PLCB3: variants seen among roughly 807,000 people sequenced by gnomAD.
The protein encoded by PLCB3 is phospholipase C beta 3.
Under a neutral mutation model 152.1 loss-of-function variants are expected in PLCB3, and 54 were observed. The observed-to-expected ratio is 0.36, with a 90% CI of 0.29 to 0.45. The LOEUF (loss-of-function observed/expected upper bound fraction) is 0.45, where lower values mean the gene tolerates loss of function less well. Among genes scored for constraint, PLCB3 ranks in the 20% least tolerant of loss-of-function variants. The pLI, the probability that PLCB3 is intolerant of heterozygous loss-of-function variation, is 1.00. For synonymous variants in PLCB3, 717 were observed against 698.7 expected (o/e 1.03, Z -0.41); for missense variants, 1,248 against 1,687.5 (o/e 0.74, Z 4.56).
At position 64,251,638 on chromosome 11, in the gene PLCB3, C is replaced by T; in HGVS notation, c.-12C>T. ...GGGCTCCGTGGGTCCCCGACCCGCC[C>T]CTGGCCGGGCCATGGCGGGCGCCCA... On this transcript the variant is annotated 5_prime_UTR_variant, in exon 1 of 31. Coordinates refer to ENST00000279230, the MANE Select transcript of PLCB3 (RefSeq NM_000932.5). 1 of 1,437,442 alleles carries T rather than the reference C, an allele frequency of 7.0e-7. No individual in the cohort carries two copies. The highest frequency in any genetic ancestry group is 1.4e-5 in the South Asian group (1 of 73,666). 89.0% of individuals were successfully genotyped at this position (1,437,442 alleles called of 1,614,324 possible).
intron 22 of PLCB3, among the ~76,000 whole-genome samples, chr11:64,264,502 G>T (rs1470612067): frequency 6.6e-6 from 1 of 152,222 alleles, no homozygotes; most frequent in African/African-American, 2.4e-5. Context: ...CGGCAGGCGG[G>T]CGGGGAGAGA....
chr11:64,262,340 C>T (rs1478613564), intron 17 of PLCB3, 67 bp from the exon 18 acceptor site: 1 of 1,569,284 alleles, frequency 6.4e-7, no homozygotes. Flanking sequence ...CTGATGATCT[C>T]CCATTCCCCA....
chr11:64,266,609 C>A lies in PLCB3; in HGVS notation c.3414+57C>A. ...CCTCCCTTCCTTCACTCATCAGACA[C>A]CCATCTCCATGCCTGGCCTGGTGCC... On this transcript the variant is annotated intron_variant, in intron 29 of 30. Transcript: ENST00000279230. The surrounding 1 kb of genome is among the most constrained non-coding windows in gnomAD (Gnocchi z 4.9). 1.9e-6 allele frequency: 3 copies of A among 1,541,116 alleles called. No homozygotes were observed. Among genetic ancestry groups the A allele is most frequent in the Non-Finnish European group, 2.7e-6 (3 of 1,113,986 alleles).
chr11:64,254,545 C>T (rs929972142), intron 2 of PLCB3, 53 bp downstream of exon 2: 27 of 1,557,818 alleles, frequency 1.7e-5, no homozygotes, highest in Non-Finnish European at 2.2e-5. Flanking sequence ...CTGTCCCAGA[C>T]CCCTGCCCTG....
Position 64,265,898 on chromosome 11 carries a change from T to G in PLCB3, c.3048T>G (p.Ala1016=). 1 of 1,612,836 alleles carries G rather than the reference T, an allele frequency of 6.2e-7. No homozygotes were observed. Among genetic ancestry groups the G allele is most frequent in the Non-Finnish European group, 8.5e-7 (1 of 1,179,944 alleles). The change falls in exon 26 of 31, where the codon GCT becomes GCG. Residue 1016 remains alanine (A), a synonymous_variant. Transcript: ENST00000279230. The part of the protein sequence containing the change: ...RLRPGALGGA[A]DVEDTKEGED... ...GTTCTCCTCGCAGAGGTGGGGCCGC[T>G]GATGTGGAGGACACGAAGGAGGGGG... is the stretch of plus-strand genomic sequence containing the variant.
In PLCB3 at chr11:64,260,013, G is replaced by T; in HGVS notation, c.1526-16G>T. On this transcript the variant is annotated splice_polypyrimidine_tract_variant and intron_variant, in intron 13 of 30. Transcript: ENST00000279230. ...TGTGGTCCTGACCCCTCACCCTGTG[G>T]CCCTGTCCTCTGCAGGGTCTCCCAG... is the stretch of plus-strand genomic sequence containing the variant. 6.2e-7 allele frequency: 1 copy of T among 1,606,976 alleles called. No individual in the cohort carries two copies. Among genetic ancestry groups the T allele is most frequent in the South Asian group, 1.1e-5 (1 of 90,454 alleles).
chr11:64,267,377 T>G lies in PLCB3; in HGVS notation c.3526T>G (p.Cys1176Gly), dbSNP rs1014045893. Residue 1176 changes from cysteine to glycine, a missense_variant, in exon 31 of 31, where the codon TGT becomes GGT. Around this residue, in one of 6 missense-constraint regions of PLCB3, gnomAD observed 477 missense variants for 489.6 expected, o/e 0.97. Transcript: ENST00000279230. This position sits in a 1 kb window ranked among gnomAD's most constrained non-coding sequence, Gnocchi z 5.2. ...GCTGCTGGCCCAGCTGGCCCAGGAG[T>G]GTCAGGAGCAGCGGGCGAGGCTCCC... is the stretch of plus-strand genomic sequence containing the variant. ...PKLLAQLAQE[C>G]QEQRARLPQE... 6.5e-7 allele frequency: 1 copy of G among 1,544,292 alleles called. No individual in the cohort carries two copies. The highest frequency in any genetic ancestry group is 2.4e-5 in the East Asian group (1 of 41,002).
intron 1 of PLCB3, among the ~76,000 whole-genome samples, chr11:64,254,125 G>C (rs2031384058): frequency 6.6e-6 from 1 of 152,090 alleles, no homozygotes. Context: ...AGGGTGTCCT[G>C]GCAAAGGGAA....
chr11:64,268,037 G>C (rs1591119857), downstream of PLCB3: 2 of 156,674 alleles, frequency 1.3e-5, no homozygotes, highest in South Asian at 3.6e-4. Context: ...GCCAAGGGCT[G>C]CTGGGTTGAA....
At chr11:64,268,733 C>G (rs1045813124), downstream of PLCB3, 3 of 152,326 alleles carry the variant, frequency 2.0e-5, no homozygotes, top group Admixed American at 2.0e-4. Context: ...TCTTCAAGGC[C>G]TCTCCCAGCT....
rs2031660321 is a variant in PLCB3, at chr11:64,258,522, A to G, written c.1062A>G (p.Leu354=). The G allele has an allele frequency of 1.9e-6, 3 of 1,613,612 alleles. No individual in the cohort carries two copies. Among genetic ancestry groups the G allele is most frequent in the Non-Finnish European group, 2.5e-6 (3 of 1,179,914 alleles). The change falls in exon 11 of 31, where the codon CTA becomes CTG. Residue 354 remains leucine, a synonymous_variant. Coordinates refer to ENST00000279230, the MANE Select transcript of PLCB3 (RefSeq NM_000932.5). The surrounding 1 kb of genome is among the most constrained non-coding windows in gnomAD (Gnocchi z 7.2). ...TSSVEMYRQA[L]LWGCRCVELD... is the part of the protein sequence containing the mutation. ...CGGTGGAGATGTACCGCCAGGCACTACTATGGGGCTGCCGCTGCGTGGAGC... is the reference window on the plus strand; with the variant it reads ...CGGTGGAGATGTACCGCCAGGCACTGCTATGGGGCTGCCGCTGCGTGGAGC...
rs535308048 is a variant in PLCB3, at chr11:64,258,808, C to T, written c.1254-77C>T. On this transcript the variant is annotated intron_variant, in intron 11 of 30. Coordinates refer to ENST00000279230, the MANE Select transcript of PLCB3 (RefSeq NM_000932.5). The surrounding 1 kb of genome is among the most constrained non-coding windows in gnomAD (Gnocchi z 7.2). ...GCTCAGGGACCTCCAACCCTGCGAA[C>T]GGCCACTGACATGTCCCGTAGACCT... The T allele has an allele frequency of 9.2e-5, 148 of 1,601,370 alleles. No individual in the cohort carries two copies. In the East Asian group the frequency reaches 2.5e-3, roughly 27 times the overall value.
intron 1 of PLCB3, among the ~76,000 whole-genome samples, chr11:64,252,841 G>T (rs994239177): frequency 6.6e-6 from 1 of 152,182 alleles, no homozygotes. Flanking sequence ...CGGAGGCTTG[G>T]GGCAGGAGAG....
chr11:64,253,190 G>A (rs2031328183), intron 1 of PLCB3, among the ~76,000 whole-genome samples: 1 of 152,230 alleles, frequency 6.6e-6, no homozygotes, highest in Non-Finnish European at 1.5e-5. Context: ...ACAATGGGGT[G>A]TGGCTGAGGC....
downstream of PLCB3, chr11:64,268,824 T>C (rs942549234): frequency 6.6e-5 from 10 of 152,288 alleles, no homozygotes; most frequent in Non-Finnish European, 1.0e-4. Context: ...CTCCTGCCAA[T>C]TGAGTATCTT....
In PLCB3 at chr11:64,255,821, T is replaced by G; in HGVS notation, c.698T>G (p.Ile233Arg). ...GACATTGACAAGATCCTGCTGGAGA[T>G]GTGAGTGGGCCCGGCCTGCCTCACA... is the stretch of plus-strand genomic sequence containing the variant. ...RPDIDKILLE[I>R]GAKGKPYLTL... is the part of the protein sequence containing the mutation. The change falls in exon 8 of 31, where the codon ATA becomes AGA. Residue 233 changes from isoleucine (I) to arginine (R), a missense_variant and splice_region_variant. Around this residue, in one of 6 missense-constraint regions of PLCB3, gnomAD observed 299 missense variants for 434.7 expected, o/e 0.69. Coordinates refer to ENST00000279230, the MANE Select transcript of PLCB3 (RefSeq NM_000932.5). The surrounding 1 kb of genome is among the most constrained non-coding windows in gnomAD (Gnocchi z 6.8). The G allele has an allele frequency of 6.2e-7, 1 of 1,606,550 alleles. No individual in the cohort carries two copies. The highest frequency in any genetic ancestry group is 8.5e-7 in the Non-Finnish European group (1 of 1,173,166).
chr11:64,259,409 G>T (rs2031727035), intron 13 of PLCB3, among the ~76,000 whole-genome samples, 165 bp downstream of exon 13: 1 of 152,064 alleles, frequency 6.6e-6, no homozygotes, highest in Non-Finnish European at 1.5e-5. Flanking sequence ...CTGGTGTGGG[G>T]CCTCTGACCC....
intron 19 of PLCB3, among the ~76,000 whole-genome samples, chr11:64,263,157 G>A (rs527767254): frequency 3.3e-5 from 5 of 152,298 alleles, no homozygotes; most frequent in Non-Finnish European, 5.9e-5. Context: ...CTGCATGGAC[G>A]CGGCCTCTGC....
rs1188960710 is a variant in PLCB3 at position 64,267,521 on chromosome 11, G to A, written c.3670G>A (p.Asp1224Asn). The change falls in exon 31 of 31, where the codon GAC becomes AAC. Residue 1224 changes from aspartate (D) to asparagine (N), a missense_variant. This residue lies in a region of PLCB3 where 477 missense variants were observed against 489.6 expected (regional missense o/e 0.97). Coordinates refer to ENST00000279230, the MANE Select transcript of PLCB3 (RefSeq NM_000932.5). This position sits in a 1 kb window ranked among gnomAD's most constrained non-coding sequence, Gnocchi z 5.2. The stretch of plus-strand genomic sequence containing the variant: ...GAGCAGCGGGCACCTGTCGGGCGCT[G>A]ACTCGGAGAGCCAGGAGGAGAACAC... ...PGSSGHLSGA[D>N]SESQEENTQL 6.4e-7 allele frequency: 1 copy of A among 1,567,968 alleles called. No homozygotes were observed. The highest frequency in any genetic ancestry group is 1.7e-4 in the Middle Eastern group (1 of 5,858).
Sources: gnomAD v4.1 joint callset for allele counts (sites outside exome capture counted in the v4.1 genomes callset) on GRCh38, gnomAD v4.1.1 for gene constraint, gnomAD v4.1.1 regional missense constraint, Gnocchi (gnomAD v3.1) non-coding constraint, MANE v1.5 for transcripts, NCBI Gene and HGNC (gene_info 2026-07-23, HGNC 2026-07-21) for gene names.